The following COMMD10 variants were observed in gnomAD, a reference collection of about 807,000 sequenced individuals.
COMMD10 encodes the protein COMM domain containing 10, also known as COMM domain-containing protein 10.
In COMMD10, 33 loss-of-function variants were observed where a neutral mutation model predicts 28.9. The ratio of observed to expected loss-of-function variants is 1.14; its 90% CI spans 0.87 to 1.53. COMMD10 has a LOEUF of 1.53. Ranked by LOEUF, COMMD10 falls within the 40% of genes most tolerant of loss-of-function variation. The probability of loss-of-function intolerance (pLI) is 0.00; values close to 1 mark genes in which losing one functional copy is unlikely to be tolerated. For missense variants in COMMD10, 310 were observed against 233.4 expected (o/e 1.33, Z -2.14); for synonymous variants, 110 against 81.7 (o/e 1.35, Z -1.87).
At chr5:116,109,730 G>A (rs903987178) in intron 4 of COMMD10, among the ~76,000 whole-genome samples, 2 of 152,114 alleles carry the variant, frequency 1.3e-5, no homozygotes, top group African/African-American at 4.8e-5. Flanking sequence ...TGTTGATTTT[G>A]TGTTGTGCAG....
intron 5 of COMMD10, among the ~76,000 whole-genome samples, chr5:116,161,176 T>A (rs539002479): frequency 8.1e-4 from 124 of 152,260 alleles, no homozygotes; most frequent in African/African-American, 2.9e-3. Context: ...AACTACTGAT[T>A]ATGTAGAAGG....
At chr5:116,094,990 A>G (rs2112715028) in intron 4 of COMMD10, among the ~76,000 whole-genome samples, 2 of 152,310 alleles carry the variant, frequency 1.3e-5, no homozygotes, top group South Asian at 4.1e-4. Flanking sequence ...AGAGAGTAGA[A>G]TGGTAGTCAC....
At chr5:116,274,926 T>C (rs1433106401) in intron 5 of COMMD10, among the ~76,000 whole-genome samples, 7 of 151,800 alleles carry the variant, frequency 4.6e-5, no homozygotes, top group African/African-American at 1.7e-4. Flanking sequence ...TAGCCCAGAT[T>C]CCTAATTTAA....
intron 5 of COMMD10, among the ~76,000 whole-genome samples, chr5:116,281,461 C>G (rs1047457223): frequency 4.0e-5 from 6 of 151,672 alleles, no homozygotes; most frequent in Admixed American, 2.0e-4. Flanking sequence ...TTAATCTTTG[C>G]ACTTTCATTT....
rs191412795 is a variant in COMMD10, at chr5:116,223,223, A to T, written c.511-68294A>T. On this transcript the variant is annotated intron_variant, in intron 5 of 6. Coordinates refer to ENST00000274458, the MANE Select transcript of COMMD10 (RefSeq NM_016144.4). ...TTTTTTTTGAAAAAAAGGAGATAGG[A>T]TAAAATGTAAGGAAATCAAATCTAG... 1.9e-4 allele frequency among the ~76,000 whole-genome samples: 29 copies of T among 152,160 alleles called. 2 individuals carry two copies. Among genetic ancestry groups the T allele is most frequent in the Admixed American group, 1.6e-3 (25 of 15,292 alleles).
intron 5 of COMMD10, among the ~76,000 whole-genome samples, chr5:116,282,536 G>T (rs1403380213): frequency 6.6e-6 from 1 of 151,898 alleles, no homozygotes; most frequent in Non-Finnish European, 1.5e-5. Context: ...CAGAAGAGGT[G>T]TTTGGTCTTA....
intron 5 of COMMD10, among the ~76,000 whole-genome samples, chr5:116,254,870 G>T (rs1332085746): frequency 6.6e-6 from 1 of 151,250 alleles, no homozygotes; most frequent in African/African-American, 2.5e-5. Flanking sequence ...TTTCTGTCTC[G>T]TTGATCTGTC....
intron 5 of COMMD10, among the ~76,000 whole-genome samples, chr5:116,193,965 A>C (rs185437784): frequency 6.6e-6 from 1 of 152,202 alleles, no homozygotes; most frequent in East Asian, 1.9e-4. Context: ...ATATCAAGCC[A>C]CTCTCTCAGA....
chr5:116,224,232 AT>A (rs1309971115), intron 5 of COMMD10, among the ~76,000 whole-genome samples: 1 of 152,192 alleles, frequency 6.6e-6, no homozygotes, highest in Non-Finnish European at 1.5e-5. Context: ...ATGAGTCTAT[AT>A]GAGGACTTCA....
intron 5 of COMMD10, among the ~76,000 whole-genome samples, chr5:116,219,009 C>A (rs372022201): frequency 1.6e-3 from 249 of 152,226 alleles, no homozygotes; most frequent in Non-Finnish European, 3.0e-3. Context: ...GGGCTATTAT[C>A]CAGTATGACT....
At chr5:116,216,990 T>C (rs1405004489) in intron 5 of COMMD10, among the ~76,000 whole-genome samples, 1 of 152,106 alleles carries the variant, frequency 6.6e-6, no homozygotes, top group African/African-American at 2.4e-5. Flanking sequence ...GGGGATAGAT[T>C]TTTAAATAGG....
chr5:116,262,564 C>G (rs1412228973), intron 5 of COMMD10, among the ~76,000 whole-genome samples: 1 of 151,642 alleles, frequency 6.6e-6, no homozygotes, highest in East Asian at 1.9e-4. Flanking sequence ...CCAGTTTTTT[C>G]AAGTACATTA....
intron 4 of COMMD10, among the ~76,000 whole-genome samples, chr5:116,122,078 A>G (rs1408548552): frequency 6.6e-6 from 1 of 152,142 alleles, no homozygotes; most frequent in Non-Finnish European, 1.5e-5. Flanking sequence ...CCTGAATGGT[A>G]TTGCCTAGGT....
At chr5:116,095,710 A>G (rs1435219327) in intron 4 of COMMD10, among the ~76,000 whole-genome samples, 2 of 152,098 alleles carry the variant, frequency 1.3e-5, no homozygotes, top group Non-Finnish European at 2.9e-5. Flanking sequence ...TAATCATGAC[A>G]TAAATATTTA....
At chr5:116,207,522 G>T (rs1748843430) in intron 5 of COMMD10, among the ~76,000 whole-genome samples, 1 of 116,280 alleles carries the variant, frequency 8.6e-6, no homozygotes. Flanking sequence ...AAAAAAATAA[G>T]TATTTCAGAT....
At chr5:116,199,161 G>A (rs903044805) in intron 5 of COMMD10, among the ~76,000 whole-genome samples, 3 of 152,088 alleles carry the variant, frequency 2.0e-5, no homozygotes, top group East Asian at 1.9e-4. Flanking sequence ...TTTAGTAAGT[G>A]TGTAGTAGTT....
intron 5 of COMMD10, among the ~76,000 whole-genome samples, chr5:116,244,002 C>G (rs1239789757): frequency 3.3e-5 from 5 of 152,220 alleles, no homozygotes; most frequent in East Asian, 3.9e-4. Flanking sequence ...AAATCAATAT[C>G]TGAAAAGCTG....
intron 5 of COMMD10, among the ~76,000 whole-genome samples, chr5:116,145,089 A>G (rs189215111): frequency 3.9e-5 from 6 of 151,952 alleles, no homozygotes; most frequent in Non-Finnish European, 7.4e-5. Flanking sequence ...AGAAAGTTGC[A>G]ATGATCTGAT....
intron 5 of COMMD10, among the ~76,000 whole-genome samples, chr5:116,280,196 C>G (rs1316873004): frequency 2.6e-5 from 4 of 151,880 alleles, no homozygotes; most frequent in African/African-American, 4.9e-5. Context: ...CTTCCATTCA[C>G]TAGTTTAACT....
Sources: allele counts gnomAD v4.1 joint callset (sites outside exome capture counted in the v4.1 genomes callset), GRCh38; gene constraint gnomAD v4.1.1; transcripts MANE v1.5; gene names NCBI Gene and HGNC (gene_info 2026-07-23, HGNC 2026-07-21).